Variants in SAMD7 observed in about 807,000 individuals in gnomAD.
SAMD7 encodes sterile alpha motif domain containing 7.
A neutral mutation model predicts 36.7 loss-of-function variants in SAMD7; 34 were observed. The observed-to-expected ratio is 0.93, with a 90% CI of 0.71 to 1.23. The LOEUF (loss-of-function observed/expected upper bound fraction) is 1.23. Ranked by LOEUF, SAMD7 falls within the 50% of genes most tolerant of loss-of-function variation. The probability of loss-of-function intolerance (pLI) is 0.00; values close to 1 mark genes in which losing one functional copy is unlikely to be tolerated. For synonymous variants in SAMD7, 188 were observed against 189.7 expected (o/e 0.99, Z 0.07); for missense variants, 570 against 546.6 (o/e 1.04, Z -0.43).
chr3:169,919,622 A>G lies in SAMD7; in HGVS notation c.86+38A>G, dbSNP rs535573899. Reference sequence around the variant, plus strand: ...AATATAATAGTTTGATCAAAGAACAACATGGACAATCATTACGTTTTGGAA... The same window carrying G: ...AATATAATAGTTTGATCAAAGAACAGCATGGACAATCATTACGTTTTGGAA... On this transcript the variant is annotated intron_variant, in intron 3 of 8. Transcript: ENST00000335556. The G allele has an allele frequency of 3.7e-5, 52 of 1,420,300 alleles. No individual in the cohort carries two copies. The South Asian group carries it at 5.6e-4, about 15-fold the overall frequency. The allele number at this position is 1,420,300 out of a possible 1,614,324, so 88.0% of individuals were successfully genotyped here. A position where few individuals can be genotyped will look rare whatever the true frequency, so the allele number is the denominator to read the frequency against.
chr3:169,927,272 T>A, intron 6 of SAMD7, 91 bp downstream of exon 6: 66 of 471,098 alleles, frequency 1.4e-4, no homozygotes, highest in Non-Finnish European at 2.1e-4. Context: ...CCATCCTGCC[T>A]CTTTTTATCT....
At position 169,936,925 on chromosome 3, in the gene SAMD7, C is replaced by T. The variant is rs116072496; in HGVS notation, c.1152+476C>T. Among the ~76,000 whole-genome samples the T allele has an allele frequency of 6.8e-3, 1,034 of 152,002 alleles. 15 individuals are homozygous for T. The highest frequency in any genetic ancestry group is 0.024 in the African/African-American group (976 of 41,432). On this transcript the variant is annotated intron_variant, in intron 8 of 8. Transcript: ENST00000335556. ...AGCACCCCACTTTAGAGTATTTCTA[C>T]CAGATACAATCTCAAATATAATAGG...
Position 169,919,574 on chromosome 3 carries a change from A to C in SAMD7, c.76A>C (p.Thr26Pro). Residue 26 changes from threonine (T) to proline (P), a missense_variant, in exon 3 of 9, where the codon ACT becomes CCT. Physicochemically the swap from Thr to Pro is conservative, Grantham distance 38. Coordinates refer to ENST00000335556, the MANE Select transcript of SAMD7 (RefSeq NM_001304366.2). Reference sequence around the variant, plus strand: ...GATCCCCTCACCATTTGGGCCTCCAACTGTGGACAGGTATTTCTCTTCAAT... The same window carrying C: ...GATCCCCTCACCATTTGGGCCTCCACCTGTGGACAGGTATTTCTCTTCAAT... ...PLIPSPFGPP[T>P]VDRDVLPSTV... 1 of 1,611,372 alleles carries C rather than the reference A, an allele frequency of 6.2e-7. No individual in the cohort carries two copies. The highest frequency in any genetic ancestry group is 8.5e-7 in the Non-Finnish European group (1 of 1,177,494).
At chr3:169,922,658 C>T (rs1228826883) in intron 4 of SAMD7, among the ~76,000 whole-genome samples, 2 of 152,194 alleles carry the variant, frequency 1.3e-5, no homozygotes, top group Non-Finnish European at 2.9e-5. Flanking sequence ...CGCCACCACA[C>T]CCGGCTAATT....
intron 2 of SAMD7, among the ~76,000 whole-genome samples, chr3:169,918,236 C>T (rs1712900622): frequency 1.3e-5 from 2 of 152,202 alleles, no homozygotes; most frequent in Admixed American, 1.3e-4. Context: ...CCGCACCTGG[C>T]CCTACGATTA....
chr3:169,921,594 T>C (rs1243925875), intron 4 of SAMD7, among the ~76,000 whole-genome samples: 1 of 152,234 alleles, frequency 6.6e-6, no homozygotes, highest in Non-Finnish European at 1.5e-5. Context: ...ATTTGTCTTA[T>C]CTTACACATG....
At chr3:169,932,337 C>T (rs967911276) in intron 7 of SAMD7, 1 of 688,208 alleles carries the variant, frequency 1.5e-6, no homozygotes. Flanking sequence ...AGCTGAAAGC[C>T]TTACTGATCC....
intron 7 of SAMD7, chr3:169,933,144 C>T: frequency 1.3e-6 from 1 of 766,764 alleles, no homozygotes; most frequent in African/African-American, 1.7e-5. Flanking sequence ...CCAGTGGCTC[C>T]TGAGTGTCCT....
intron 3 of SAMD7, among the ~76,000 whole-genome samples, chr3:169,920,743 T>A (rs1257778054): frequency 6.6e-6 from 1 of 152,228 alleles, no homozygotes; most frequent in Non-Finnish European, 1.5e-5. Context: ...TCATTATTTA[T>A]CCTTGTTTAT....
chr3:169,934,371 G>A lies in SAMD7; in HGVS notation c.1042-1968G>A, dbSNP rs115640605. 9.9e-3 allele frequency among the ~76,000 whole-genome samples: 1,509 copies of A among 152,196 alleles called. 25 individuals carry two copies. Among genetic ancestry groups the A allele is most frequent in the African/African-American group, 0.035 (1,434 of 41,524 alleles). ...GGAGGCAGGGCAAGATGGCCAAAAA[G>A]AAGCCTCCACCGATGGTCCTCCCTT... On this transcript the variant is annotated intron_variant, in intron 7 of 8. Transcript: ENST00000335556.
At chr3:169,917,921 A>G (rs962056097) in intron 2 of SAMD7, among the ~76,000 whole-genome samples, 3 of 151,368 alleles carry the variant, frequency 2.0e-5, no homozygotes, top group African/African-American at 2.4e-5. Context: ...GATTACAGGC[A>G]TGAGCCACTG....
intron 4 of SAMD7, among the ~76,000 whole-genome samples, chr3:169,923,568 G>A (rs6794629): frequency 1.3e-5 from 2 of 152,020 alleles, no homozygotes; most frequent in Non-Finnish European, 2.9e-5. Context: ...ATGGTGAAAC[G>A]CCGTCTCTAC....
chr3:169,929,124 T>G (rs1713390182), intron 7 of SAMD7, among the ~76,000 whole-genome samples: 1 of 152,224 alleles, frequency 6.6e-6, no homozygotes, highest in African/African-American at 2.4e-5. Context: ...TAAAATACCA[T>G]TTTAAAAAAC....
intron 7 of SAMD7, chr3:169,932,258 TG>T: frequency 9.5e-6 from 8 of 845,004 alleles, no homozygotes; most frequent in East Asian, 3.2e-5. Context: ...ACACCAGAGC[TG>T]GGGGCAATCA....
At chr3:169,914,901 A>G (rs568257100) in intron 1 of SAMD7, among the ~76,000 whole-genome samples, 1 of 152,348 alleles carries the variant, frequency 6.6e-6, no homozygotes, top group Non-Finnish European at 1.5e-5. Flanking sequence ...TGACATTAGA[A>G]GTCTGCCACA....
chr3:169,924,977 A>C, intron 4 of SAMD7, 81 bp from the exon 5 acceptor site: 2 of 882,012 alleles, frequency 2.3e-6, no homozygotes, highest in Non-Finnish European at 3.5e-6. Flanking sequence ...ACTGTTTTAC[A>C]TTGTTATAGT....
chr3:169,920,605 C>T (rs540617601), intron 3 of SAMD7, among the ~76,000 whole-genome samples: 4 of 152,156 alleles, frequency 2.6e-5, no homozygotes, highest in Non-Finnish European at 5.9e-5. Context: ...AGAATTATTT[C>T]TTTTCAATAA....
intron 7 of SAMD7, among the ~76,000 whole-genome samples, chr3:169,929,191 T>C (rs1015821695): frequency 6.6e-6 from 1 of 152,140 alleles, no homozygotes; most frequent in Non-Finnish European, 1.5e-5. Flanking sequence ...TATTGAAAAA[T>C]TTGTGACAAA....
At position 169,938,357 on chromosome 3, in the gene SAMD7, CTT is replaced by C; in HGVS notation, c.1194_1195del (p.Ser399IlefsTer8). The C allele has an allele frequency of 7.4e-6, 12 of 1,612,250 alleles. No homozygotes were observed. The highest frequency in any genetic ancestry group is 1.0e-5 in the Non-Finnish European group (12 of 1,178,538). On this transcript the variant is annotated frameshift_variant, in exon 9 of 9. Coordinates refer to ENST00000335556, the MANE Select transcript of SAMD7 (RefSeq NM_001304366.2). LOFTEE classifies it low-confidence loss of function (END_TRUNC). ...GGGAAGTATGTTCTACAAGAAAACT[CTT>C]TCATTTCCTATAAGACAAGCATTTG... ...HVGSMFYKKT[L>X]SFPIRQAFDQ... is the part of the protein sequence containing the mutation.
Sources: allele counts gnomAD v4.1 joint callset (sites outside exome capture counted in the v4.1 genomes callset), GRCh38; gene constraint gnomAD v4.1.1; transcripts MANE v1.5; gene names NCBI Gene and HGNC (gene_info 2026-07-23, HGNC 2026-07-21).